The following ADGRV1 variants were observed in gnomAD, a reference collection of about 807,000 sequenced individuals.
ADGRV1 encodes G-protein coupled receptor 98.
A neutral mutation model predicts 596.2 loss-of-function variants in ADGRV1; 359 were observed. The observed-to-expected ratio is 0.60, with a 90% CI of 0.55 to 0.66. The LOEUF (loss-of-function observed/expected upper bound fraction) is 0.66. Ranked by LOEUF, ADGRV1 falls within the 30% of genes least tolerant of loss-of-function variation. The pLI is 0.00. For synonymous variants in ADGRV1, 2,681 were observed against 2,679.2 expected (o/e 1.00, Z -0.02); for missense variants, 7,274 against 7,575.6 (o/e 0.96, Z 1.48).
intron 85 of ADGRV1, among the ~76,000 whole-genome samples, chr5:90,997,858 G>A (rs1251713264): frequency 7.9e-5 from 12 of 152,110 alleles, no homozygotes; most frequent in African/African-American, 2.7e-4. Context: ...TTGTGATGTG[G>A]ATTAAGCGAG....
At chr5:90,706,929 C>A (rs535620680) in intron 38 of ADGRV1, among the ~76,000 whole-genome samples, 1 of 151,712 alleles carries the variant, frequency 6.6e-6, no homozygotes, top group Non-Finnish European at 1.5e-5. Flanking sequence ...GATAGACAGG[C>A]CTGCTGTTAT....
chr5:90,711,211 T>C lies in ADGRV1; in HGVS notation c.8931T>C (p.Ser2977=). 4 of 1,612,914 alleles carry C rather than the reference T, an allele frequency of 2.5e-6. No individual in the cohort carries two copies. Among genetic ancestry groups the C allele is most frequent in the Non-Finnish European group, 3.4e-6 (4 of 1,179,184 alleles). ...SRFEVNETHG[S]LTLVAQRSRE... is the part of the protein sequence containing the mutation. ...TTGAAGTAAATGAAACCCATGGAAG[T>C]TTAACATTGGTAGCCCAGAGGAGCA... Residue 2977 remains serine, a synonymous_variant, in exon 41 of 90, where the codon AGT becomes AGC. Transcript: ENST00000405460.
chr5:91,101,728 T>C (rs1282329745), intron 86 of ADGRV1, among the ~76,000 whole-genome samples: 1 of 152,152 alleles, frequency 6.6e-6, no homozygotes, highest in Non-Finnish European at 1.5e-5. Flanking sequence ...AATTTTGGTG[T>C]CTTCTCAGTC....
rs915561099 is a variant in ADGRV1, at chr5:90,578,745, A to G, written c.22+19828A>G. 3.9e-5 allele frequency among the ~76,000 whole-genome samples: 6 copies of G among 152,000 alleles called. No individual in the cohort carries two copies. The East Asian group carries it at 1.2e-3, about 29-fold the overall frequency. On this transcript the variant is annotated intron_variant, in intron 1 of 89. Coordinates refer to ENST00000405460, the MANE Select transcript of ADGRV1 (RefSeq NM_032119.4). ...CGGCTGTGAATCCGTCTGGTCGTGG[A>G]CTTTTTTGGTTGGTAGGCTATTAAT...
At chr5:90,610,984 G>A (rs1026750117) in intron 1 of ADGRV1, among the ~76,000 whole-genome samples, 6 of 152,012 alleles carry the variant, frequency 3.9e-5, no homozygotes, top group African/African-American at 1.4e-4. Context: ...TATGCTTAAA[G>A]GAAAGTCTCC....
Position 91,006,041 on chromosome 5 carries a change from G to A in ADGRV1, c.18152+20519G>A, listed in dbSNP as rs115654618. Among the ~76,000 whole-genome samples the A allele has an allele frequency of 8.8e-3, 1,342 of 152,246 alleles. 6 individuals are homozygous for A. The highest frequency in any genetic ancestry group is 0.015 in the Non-Finnish European group (1,002 of 68,022). ...GCCACTCATGCCTGCTAAGCCCTGA[G>A]TCTGTATTTTTCAAACTAGAATACT... On this transcript the variant is annotated intron_variant, in intron 85 of 89. Transcript: ENST00000405460.
At chr5:90,765,469 A>G (rs1428550054) in intron 59 of ADGRV1, among the ~76,000 whole-genome samples, 1 of 147,258 alleles carries the variant, frequency 6.8e-6, no homozygotes, top group Non-Finnish European at 1.5e-5. Flanking sequence ...ACACACACAC[A>G]CAAACTCTAG....
intron 83 of ADGRV1, among the ~76,000 whole-genome samples, chr5:90,958,863 A>G (rs1420274366): frequency 6.6e-6 from 1 of 152,210 alleles, no homozygotes. Flanking sequence ...AGAGGAAACA[A>G]TTTAGCCCAT....
At chr5:90,908,428 G>A (rs1453907081) in intron 83 of ADGRV1, among the ~76,000 whole-genome samples, 1 of 152,070 alleles carries the variant, frequency 6.6e-6, no homozygotes, top group East Asian at 1.9e-4. Flanking sequence ...ATGATAGCCT[G>A]TTATGCTAGC....
rs559844443 is a variant in ADGRV1 at position 90,646,190 on chromosome 5, G to A, written c.3022+99G>A. The A allele has an allele frequency of 3.6e-4, 240 of 672,414 alleles. 1 individual carries two copies. The highest frequency in any genetic ancestry group is 5.8e-4 in the South Asian group (10 of 17,378). 41.7% of individuals were successfully genotyped at this position (672,414 alleles called of 1,614,324 possible). The stretch of plus-strand genomic sequence containing the variant: ...CATATATACATTTATATGCACGTGC[G>A]TATATACATTTATATACATATATAT... On this transcript the variant is annotated intron_variant, in intron 16 of 89. Coordinates refer to ENST00000405460, the MANE Select transcript of ADGRV1 (RefSeq NM_032119.4).
intron 83 of ADGRV1, among the ~76,000 whole-genome samples, chr5:90,910,050 ATT>A (rs1772716110): frequency 6.6e-6 from 1 of 152,212 alleles, no homozygotes; most frequent in Non-Finnish European, 1.5e-5. Context: ...GACCTTACTC[ATT>A]TATTCACTTT....
At chr5:90,768,175 C>T (rs142595904) in intron 59 of ADGRV1, among the ~76,000 whole-genome samples, 3 of 152,264 alleles carry the variant, frequency 2.0e-5, no homozygotes, top group East Asian at 1.9e-4. Flanking sequence ...TTTCTTCCAG[C>T]GAATAAGTTC....
intron 68 of ADGRV1, 105 bp from the exon 69 acceptor site, chr5:90,789,597 T>C: frequency 3.0e-6 from 2 of 676,814 alleles, no homozygotes; most frequent in Non-Finnish European, 4.7e-6. Flanking sequence ...GTCATTTTTA[T>C]GTTTCTTTCA....
At chr5:90,592,699 C>T (rs965327402) in intron 1 of ADGRV1, among the ~76,000 whole-genome samples, 3 of 152,168 alleles carry the variant, frequency 2.0e-5, no homozygotes, top group South Asian at 2.1e-4. Flanking sequence ...ATCTACCCAT[C>T]TGACAAAGGG....
At chr5:90,688,151 C>T (rs905970545) in intron 29 of ADGRV1, among the ~76,000 whole-genome samples, 2 of 152,096 alleles carry the variant, frequency 1.3e-5, no homozygotes, top group South Asian at 2.1e-4. Context: ...AACTATACTA[C>T]AAGGCTACAG....
intron 84 of ADGRV1, among the ~76,000 whole-genome samples, chr5:90,983,429 C>T (rs759783966): frequency 6.6e-5 from 10 of 152,040 alleles, no homozygotes; most frequent in Admixed American, 2.0e-4. Flanking sequence ...GCAATCTGTA[C>T]CCTCCTCCTT....
intron 87 of ADGRV1, among the ~76,000 whole-genome samples, chr5:91,142,440 T>C (rs549709030): frequency 1.3e-5 from 2 of 152,306 alleles, no homozygotes; most frequent in East Asian, 3.9e-4. Context: ...TCATACCACA[T>C]TGTCTCAGGA....
At chr5:90,750,741 T>C in intron 53 of ADGRV1, 44 bp downstream of exon 53, 1 of 1,524,598 alleles carries the variant, frequency 6.6e-7, no homozygotes. Flanking sequence ...TAAATTATGG[T>C]TACTAGTGAT....
intron 87 of ADGRV1, among the ~76,000 whole-genome samples, chr5:91,136,244 AT>A (rs1422558539): frequency 1.3e-5 from 2 of 152,094 alleles, no homozygotes; most frequent in Admixed American, 1.3e-4. Flanking sequence ...GCCCCCTACC[AT>A]TTTCTGAAAT....
Sources: gnomAD v4.1 joint callset for allele counts (sites outside exome capture counted in the v4.1 genomes callset) on GRCh38, gnomAD v4.1.1 for gene constraint, MANE v1.5 for transcripts, NCBI Gene and HGNC (gene_info 2026-07-23, HGNC 2026-07-21) for gene names.